The following PALS2 variants were observed in gnomAD, a reference collection of about 807,000 sequenced individuals.
The protein encoded by PALS2 is protein PALS2.
PALS2 carries 27 observed loss-of-function variants against 61.6 expected under a neutral mutation model. The ratio of observed to expected loss-of-function variants is 0.44; its 90% CI spans 0.32 to 0.60. PALS2 has a LOEUF of 0.60. Ranked by LOEUF, PALS2 falls within the 20% of genes least tolerant of loss-of-function variation. The pLI is 0.05. For missense variants in PALS2, 554 were observed against 639.4 expected (o/e 0.87, Z 1.44); for synonymous variants, 236 against 218.6 (o/e 1.08, Z -0.70).
intron 1 of PALS2, chr7:24,597,313 T>C (rs1174556727): frequency 6.6e-6 from 1 of 152,212 alleles, no homozygotes. Flanking sequence ...GCAGTGATAG[T>C]CTGTCCTTAA....
In PALS2 at chr7:24,680,523, GA is replaced by G; in HGVS notation, c.1446+4del. The G allele has an allele frequency of 5.0e-6, 8 of 1,610,644 alleles. No homozygotes were observed. Among genetic ancestry groups the G allele is most frequent in the Non-Finnish European group, 6.8e-6 (8 of 1,178,440 alleles). On this transcript the variant is annotated splice_donor_region_variant and intron_variant, in intron 11 of 11. Coordinates refer to ENST00000222644, the MANE Select transcript of PALS2 (RefSeq NM_001303037.2). ...GAATCACTACCAAGCTTCTGACCGTGAGCTAACCATACGATTTTCCTTCTAA... is the reference window on the plus strand; with the variant it reads ...GAATCACTACCAAGCTTCTGACCGTGGCTAACCATACGATTTTCCTTCTAA...
chr7:24,615,580 G>T, intron 1 of PALS2, among the ~76,000 whole-genome samples: 2 of 151,778 alleles, frequency 1.3e-5, no homozygotes, highest in South Asian at 4.2e-4. Context: ...TGTATGATAC[G>T]ACTGAATCAG....
Position 24,617,588 on chromosome 7 carries a change from C to A in PALS2, c.-2-6078C>A, listed in dbSNP as rs1175621132. Among the ~76,000 whole-genome samples the A allele has an allele frequency of 3.9e-5, 6 of 152,198 alleles. No homozygotes were observed. The East Asian group carries it at 1.2e-3, about 29-fold the overall frequency. On this transcript the variant is annotated intron_variant, in intron 1 of 11. Transcript: ENST00000222644. ...GCATTCACTTTGTTTTTAGGTAGAC[C>A]CACTTGTGTAGTCTCTTTGCAGATT...
chr7:24,646,325 C>T (rs1177692730), intron 3 of PALS2, among the ~76,000 whole-genome samples: 1 of 151,838 alleles, frequency 6.6e-6, no homozygotes, highest in Non-Finnish European at 1.5e-5. Flanking sequence ...GAGGTATGTT[C>T]CTTTAATACC....
chr7:24,590,901 T>C (rs963671732), intron 1 of PALS2, among the ~76,000 whole-genome samples: 1 of 151,756 alleles, frequency 6.6e-6, no homozygotes, highest in Non-Finnish European at 1.5e-5. Context: ...TTTTTAGATG[T>C]TTTGTGAGAG....
intron 1 of PALS2, among the ~76,000 whole-genome samples, chr7:24,604,915 G>A (rs1363557584): frequency 6.6e-6 from 1 of 152,164 alleles, no homozygotes; most frequent in African/African-American, 2.4e-5. Flanking sequence ...GCCCTGGGGA[G>A]GTACATGGGG....
chr7:24,620,364 G>A (rs1784448410), intron 1 of PALS2: 1 of 151,964 alleles, frequency 6.6e-6, no homozygotes, highest in Non-Finnish European at 1.5e-5. Flanking sequence ...ATTGTATTTT[G>A]ACTATAAATC....
intron 5 of PALS2, among the ~76,000 whole-genome samples, chr7:24,655,828 T>G (rs1407265594): frequency 2.0e-5 from 3 of 152,012 alleles, no homozygotes; most frequent in African/African-American, 7.2e-5. Context: ...GCCTGGCTAA[T>G]TTTTATATGA....
chr7:24,580,717 T>C (rs2128039185), intron 1 of PALS2, among the ~76,000 whole-genome samples: 1 of 152,362 alleles, frequency 6.6e-6, no homozygotes, highest in African/African-American at 2.4e-5. Flanking sequence ...TTTATGTGTT[T>C]TCGTTCACAT....
intron 1 of PALS2, among the ~76,000 whole-genome samples, chr7:24,588,252 A>G (rs1358352870): frequency 5.3e-5 from 8 of 152,154 alleles, no homozygotes; most frequent in Non-Finnish European, 1.0e-4. Context: ...TCATCCTACC[A>G]ACAGCTTACA....
In PALS2 at chr7:24,691,826, ATGTAATAACATC is replaced by A. The variant is rs1428731348; in HGVS notation, c.*4219_*4230del. The A allele has an allele frequency of 6.6e-6, 1 of 152,112 alleles. No individual in the cohort carries two copies. Among genetic ancestry groups the A allele is most frequent in the Non-Finnish European group, 1.5e-5 (1 of 67,972 alleles). The allele number at this position is 152,112 out of a possible 1,614,324, so 9.4% of individuals were successfully genotyped here. On this transcript the variant is annotated 3_prime_UTR_variant, in exon 12 of 12. Coordinates refer to ENST00000222644, the MANE Select transcript of PALS2 (RefSeq NM_001303037.2). ...TTCAAGAGGTTTGCTGTGAGAATTC[ATGTAATAACATC>A]TGTAATGTATTTGGAATTTTTGGGA...
intron 1 of PALS2, among the ~76,000 whole-genome samples, chr7:24,608,172 C>A (rs919711136): frequency 2.0e-5 from 3 of 152,032 alleles, no homozygotes. Context: ...TCCATTATCT[C>A]CTGTTGTTCA....
intron 3 of PALS2, among the ~76,000 whole-genome samples, 175 bp downstream of exon 3, chr7:24,642,043 A>G (rs569492281): frequency 1.6e-3 from 241 of 152,362 alleles, no homozygotes; most frequent in Non-Finnish European, 2.5e-3. Flanking sequence ...ATATAAAGAG[A>G]CATATGTAAC....
intron 8 of PALS2, among the ~76,000 whole-genome samples, chr7:24,666,544 A>G (rs1486917554): frequency 2.0e-5 from 3 of 152,210 alleles, no homozygotes; most frequent in African/African-American, 7.2e-5. Context: ...GTCTGATCTA[A>G]TAGAATTCTG....
chr7:24,650,847 T>C, intron 5 of PALS2, 135 bp downstream of exon 5: 1 of 637,320 alleles, frequency 1.6e-6, no homozygotes, highest in Non-Finnish European at 2.6e-6. Context: ...AAATGGCTTA[T>C]TTTGTCATGG....
At chr7:24,602,985 C>G (rs554516395) in intron 1 of PALS2, among the ~76,000 whole-genome samples, 1 of 152,246 alleles carries the variant, frequency 6.6e-6, no homozygotes, top group South Asian at 2.1e-4. Context: ...TTGTAAGTTT[C>G]CTGAGGCTGG....
At chr7:24,615,832 C>T (rs1316865456) in intron 1 of PALS2, among the ~76,000 whole-genome samples, 1 of 151,998 alleles carries the variant, frequency 6.6e-6, no homozygotes, top group Non-Finnish European at 1.5e-5. Flanking sequence ...AAACCAAATC[C>T]AACAACACAT....
At chr7:24,632,135 A>T (rs188201154) in intron 2 of PALS2, among the ~76,000 whole-genome samples, 1 of 152,326 alleles carries the variant, frequency 6.6e-6, no homozygotes, top group East Asian at 1.9e-4. Context: ...CTTTTGTTAA[A>T]CACACATTCA....
In PALS2 at chr7:24,650,155, T is replaced by C. The variant is rs115835256; in HGVS notation, c.424-330T>C. Among the ~76,000 whole-genome samples the C allele has an allele frequency of 5.2e-3, 790 of 152,298 alleles. 7 individuals are homozygous for C. Among genetic ancestry groups the C allele is most frequent in the African/African-American group, 0.017 (722 of 41,580 alleles). The stretch of plus-strand genomic sequence containing the variant: ...CTAAGTAGTGAAGTTTACTATTCCT[T>C]GGTAAAATTATTACTTCTGGATCCT... On this transcript the variant is annotated intron_variant, in intron 4 of 11. Transcript: ENST00000222644.
Sources: gnomAD v4.1 joint callset for allele counts (sites outside exome capture counted in the v4.1 genomes callset) on GRCh38, gnomAD v4.1.1 for gene constraint, MANE v1.5 for transcripts, NCBI Gene and HGNC (gene_info 2026-07-23, HGNC 2026-07-21) for gene names.